ABCC1: variants seen among roughly 807,000 people sequenced by gnomAD.
ABCC1 encodes the protein multidrug resistance-associated protein 1.
A neutral mutation model predicts 172.9 loss-of-function variants in ABCC1; 83 were observed. The ratio of observed to expected loss-of-function variants is 0.48; its 90% CI spans 0.40 to 0.58. ABCC1 has a LOEUF of 0.58. ABCC1 is among the 20% of genes least tolerant of loss of function. ABCC1 has a pLI of 0.00. For synonymous variants in ABCC1, 937 were observed against 825.2 expected (o/e 1.14, Z -2.32); for missense variants, 1,817 against 2,002.7 (o/e 0.91, Z 1.77).
chr16:16,022,689 G>T (rs2048234508), intron 5 of ABCC1, among the ~76,000 whole-genome samples: 1 of 152,128 alleles, frequency 6.6e-6, no homozygotes, highest in Admixed American at 6.6e-5. Flanking sequence ...CAGCTCGTTT[G>T]CAGTAAGAGG....
intron 10 of ABCC1, among the ~76,000 whole-genome samples, chr16:16,049,015 G>A (rs2049325644): frequency 6.6e-6 from 1 of 151,794 alleles, no homozygotes; most frequent in Non-Finnish European, 1.5e-5. Flanking sequence ...TAAGTAAATA[G>A]AGGGAACTTT....
At chr16:16,106,301 A>G (rs1348931467) in intron 20 of ABCC1, among the ~76,000 whole-genome samples, 2 of 151,578 alleles carry the variant, frequency 1.3e-5, no homozygotes, top group South Asian at 2.1e-4. Context: ...TATGTTTTTC[A>G]TCATATGTTA....
In ABCC1 at chr16:15,994,551, A is replaced by T. The variant is rs75628216; in HGVS notation, c.49-13265A>T. The stretch of plus-strand genomic sequence containing the variant: ...AATACATGCTTTCTCTTTGTTTCCA[A>T]CTCAGCATTTAGAAATGTCCTACCC... On this transcript the variant is annotated intron_variant, in intron 1 of 30. Coordinates refer to ENST00000399410, the MANE Select transcript of ABCC1 (RefSeq NM_004996.4). Among the ~76,000 whole-genome samples the T allele has an allele frequency of 2.6e-5, 4 of 152,074 alleles. No homozygotes were observed. The East Asian group carries it at 7.7e-4, about 29-fold the overall frequency.
At chr16:15,984,724 T>G (rs1472777323) in intron 1 of ABCC1, among the ~76,000 whole-genome samples, 1 of 151,978 alleles carries the variant, frequency 6.6e-6, no homozygotes, top group Non-Finnish European at 1.5e-5. Context: ...GATTACAGGC[T>G]TGAGCCACCG....
chr16:16,103,159 G>A (rs1012451429), intron 20 of ABCC1, among the ~76,000 whole-genome samples: 4 of 152,144 alleles, frequency 2.6e-5, no homozygotes, highest in Non-Finnish European at 5.9e-5. Context: ...AGACCACAGT[G>A]GGTAACATAG....
chr16:15,953,718 GGTCCCA>G (rs1478193006), intron 1 of ABCC1, among the ~76,000 whole-genome samples: 1 of 152,102 alleles, frequency 6.6e-6, no homozygotes, highest in African/African-American at 2.4e-5. Context: ...GGAGTGAGCT[GGTCCCA>G]GGGTTGATGT....
intron 8 of ABCC1, 36 bp downstream of exon 8, chr16:16,044,716 C>T (rs1486038039): frequency 1.9e-6 from 3 of 1,576,826 alleles, no homozygotes; most frequent in Non-Finnish European, 2.6e-6. Context: ...GCTCCATTTT[C>T]CCTCCTTGGC....
chr16:16,090,480 A>G lies in ABCC1; in HGVS notation c.2536A>G (p.Ile846Val). The G allele has an allele frequency of 6.2e-7, 1 of 1,613,890 alleles. No individual in the cohort carries two copies. Among genetic ancestry groups the G allele is most frequent in the Non-Finnish European group, 8.5e-7 (1 of 1,179,964 alleles). Residue 846 changes from isoleucine to valine, a missense_variant, in exon 19 of 31, where the codon ATC becomes GTC. Ile to Val is a conservative substitution (Grantham distance 29). Coordinates refer to ENST00000399410, the MANE Select transcript of ABCC1 (RefSeq NM_004996.4). ...CATCATCGTCATGAGTGGCGGCAAG[A>G]TCTCTGAGATGGGCTCCTACCAGGA... ...DVIIVMSGGKISEMGSYQELL... is the reference protein window; with the variant it reads ...DVIIVMSGGKVSEMGSYQELL...
intron 30 of ABCC1, among the ~76,000 whole-genome samples, chr16:16,139,611 C>CAAAAAAAAAAAAAAA (rs386384360): frequency 1.7e-5 from 1 of 57,334 alleles, no homozygotes; most frequent in African/African-American, 8.0e-5. Context: ...GACTCCATCT[C>CAAAAAAAAAAAAAAA]AAAAAAAAAA....
intron 24 of ABCC1, 51 bp from the exon 25 acceptor site, chr16:16,124,723 GCTGTAAGCCAAGTCT>G: frequency 6.2e-7 from 1 of 1,607,964 alleles, no homozygotes; most frequent in Non-Finnish European, 8.5e-7. Context: ...TCCCCCAAGA[GCTGTAAGCCAAGTCT>G]CTGTAGAGCT....
chr16:15,998,692 A>G (rs1336357490), intron 1 of ABCC1, among the ~76,000 whole-genome samples: 1 of 152,130 alleles, frequency 6.6e-6, no homozygotes, highest in African/African-American at 2.4e-5. Context: ...CTGCAGGGGA[A>G]ACACCTTCCT....
At position 16,036,454 on chromosome 16, in the gene ABCC1, C is replaced by G; in HGVS notation, c.678-18C>G. The G allele has an allele frequency of 6.2e-7, 1 of 1,609,642 alleles. No individual in the cohort carries two copies. ...TCATTGACTCTCATTGCCTAACCCC[C>G]TTGTGTCTTGGCCCCAGGTTGATTG... On this transcript the variant is annotated intron_variant, in intron 6 of 30. Coordinates refer to ENST00000399410, the MANE Select transcript of ABCC1 (RefSeq NM_004996.4).
intron 23 of ABCC1, among the ~76,000 whole-genome samples, chr16:16,116,378 A>T (rs1301228318): frequency 2.6e-5 from 4 of 152,146 alleles, no homozygotes; most frequent in African/African-American, 9.7e-5. Flanking sequence ...CCCCCAATGG[A>T]TGCCTTAAAC....
chr16:16,112,761 T>C (rs543028806), intron 22 of ABCC1, among the ~76,000 whole-genome samples: 94 of 152,380 alleles, frequency 6.2e-4, no homozygotes, highest in Non-Finnish European at 2.6e-4. Context: ...ATATACACAG[T>C]AAATGGATAG....
At chr16:16,057,460 G>A (rs1448598990) in intron 12 of ABCC1, among the ~76,000 whole-genome samples, 3 of 150,662 alleles carry the variant, frequency 2.0e-5, no homozygotes, top group South Asian at 2.1e-4. Context: ...CATTTTTGTC[G>A]TTTCTCTTGA....
At chr16:16,136,204 A>T (rs2045910370) in intron 28 of ABCC1, among the ~76,000 whole-genome samples, 1 of 151,804 alleles carries the variant, frequency 6.6e-6, no homozygotes, top group African/African-American at 2.4e-5. Flanking sequence ...TTGTATTTTT[A>T]CTAGAGACAG....
At chr16:16,088,637 T>C (rs756219506) in intron 18 of ABCC1, among the ~76,000 whole-genome samples, 1 of 152,234 alleles carries the variant, frequency 6.6e-6, no homozygotes, top group Non-Finnish European at 1.5e-5. Flanking sequence ...TTTTATGACA[T>C]TTGAAAATCG....
At chr16:15,961,013 T>G (rs1479542446) in intron 1 of ABCC1, among the ~76,000 whole-genome samples, 2 of 56,780 alleles carry the variant, frequency 3.5e-5, no homozygotes, top group African/African-American at 1.6e-4. Context: ...TTTTTTTTTT[T>G]TTTTTTTTTT....
intron 19 of ABCC1, among the ~76,000 whole-genome samples, chr16:16,096,601 G>A (rs1336757792): frequency 6.6e-6 from 1 of 152,162 alleles, no homozygotes; most frequent in Non-Finnish European, 1.5e-5. Context: ...AGGTCAGTGA[G>A]GCAGCCAGTG....
Sources: gnomAD v4.1 joint callset for allele counts (sites outside exome capture counted in the v4.1 genomes callset) on GRCh38, gnomAD v4.1.1 for gene constraint, MANE v1.5 for transcripts, NCBI Gene and HGNC (gene_info 2026-07-23, HGNC 2026-07-21) for gene names.